STIP1: variants seen among roughly 807,000 people sequenced by gnomAD.
The protein encoded by STIP1 is stress-induced-phosphoprotein 1.
A neutral mutation model predicts 77.4 loss-of-function variants in STIP1; 16 were observed. The ratio of observed to expected loss-of-function variants is 0.21; its 90% CI spans 0.14 to 0.31. The LOEUF is 0.31. Among genes scored for constraint, STIP1 ranks in the 10% least tolerant of loss-of-function variants. STIP1 has a pLI of 1.00. For missense variants in STIP1, 524 were observed against 684.8 expected (o/e 0.77, Z 2.62); for synonymous variants, 258 against 246.6 (o/e 1.05, Z -0.44).
In STIP1 at chr11:64,186,237, A is replaced by G. The variant is rs1242322208; in HGVS notation, c.-25A>G. The G allele has an allele frequency of 9.2e-6, 14 of 1,527,986 alleles. No homozygotes were observed. Among genetic ancestry groups the G allele is most frequent in the African/African-American group, 2.8e-5 (2 of 71,788 alleles). The allele number at this position is 1,527,986 out of a possible 1,614,324, so 94.7% of individuals were successfully genotyped here. A position where few individuals can be genotyped will look rare whatever the true frequency, so the allele number is the denominator to read the frequency against. ...ACGCGGAGCGGACGGATTCGATTCA[A>G]CGGGGTTCCGGACCGCGCTGCGCTA... On this transcript the variant is annotated 5_prime_UTR_variant, in exon 1 of 14. Transcript: ENST00000305218.
rs1449459941 is a variant in STIP1 at position 64,186,248 on chromosome 11, G to T, written c.-14G>T. 1 of 1,510,848 alleles carries T rather than the reference G, an allele frequency of 6.6e-7. No homozygotes were observed. The highest frequency in any genetic ancestry group is 1.2e-5 in the South Asian group (1 of 83,716). 93.6% of individuals were successfully genotyped at this position (1,510,848 alleles called of 1,614,324 possible). A position where few individuals can be genotyped will look rare whatever the true frequency, so the allele number is the denominator to read the frequency against. ...ACGGATTCGATTCAACGGGGTTCCG[G>T]ACCGCGCTGCGCTATGGAGCAGGTG... On this transcript the variant is annotated 5_prime_UTR_variant, in exon 1 of 14. Coordinates refer to ENST00000305218, the MANE Select transcript of STIP1 (RefSeq NM_006819.3).
At chr11:64,186,103 C>G, upstream of STIP1, 3 of 1,550,398 alleles carry the variant, frequency 1.9e-6, no homozygotes, top group Non-Finnish European at 2.6e-6. Context: ...TAGAGCAGCA[C>G]AGACATTCCC....
Position 64,200,254 on chromosome 11 carries a change from C to T in STIP1, c.1206C>T (p.Ala402=), listed in dbSNP as rs1946202520. ...KDAKLYSNRA[A]CYTKLLEFQL... ...CCAAATTATACAGCAATCGAGCTGC[C>T]TGCTACACCAAACTCCTGGAGTTCC... The change falls in exon 10 of 14, where the codon GCC becomes GCT. Residue 402 remains alanine (A), a synonymous_variant. Coordinates refer to ENST00000305218, the MANE Select transcript of STIP1 (RefSeq NM_006819.3). 1.2e-6 allele frequency: 2 copies of T among 1,613,958 alleles called. No homozygotes were observed. Among genetic ancestry groups the T allele is most frequent in the South Asian group, 2.2e-5 (2 of 91,082 alleles).
At chr11:64,201,170 G>T (rs1163921871) in intron 10 of STIP1, among the ~76,000 whole-genome samples, 3 of 152,014 alleles carry the variant, frequency 2.0e-5, no homozygotes, top group South Asian at 4.1e-4. Context: ...CTCCTGAGTA[G>T]CTGGGACTAC....
intron 8 of STIP1, 87 bp downstream of exon 8, chr11:64,198,061 A>ATT: frequency 3.7e-6 from 5 of 1,333,566 alleles, no homozygotes; most frequent in Non-Finnish European, 4.0e-6. Context: ...AATGAACTTG[A>ATT]CTTTTTTTTT....
intron 13 of STIP1, 45 bp from the exon 14 acceptor site, chr11:64,204,009 C>G (rs201955898): frequency 1.2e-5 from 19 of 1,605,746 alleles, no homozygotes; most frequent in Non-Finnish European, 1.6e-5. Flanking sequence ...GCAAGTAAGA[C>G]TTTAAAGGTT....
rs764875809 is a variant in STIP1 at position 64,202,950 on chromosome 11, C to G, written c.1282+38C>G. 91 of 1,614,088 alleles carry G rather than the reference C, an allele frequency of 5.6e-5. No individual in the cohort carries two copies. The East Asian group carries it at 1.9e-3, about 34-fold the overall frequency. ...CTGCTGCCTGTCCCCTGTCTCTAGC[C>G]AAAAGATTAGAGAAGGAAAGGGCAA... On this transcript the variant is annotated intron_variant, in intron 11 of 13. Coordinates refer to ENST00000305218, the MANE Select transcript of STIP1 (RefSeq NM_006819.3).
intron 10 of STIP1, among the ~76,000 whole-genome samples, chr11:64,200,860 C>T (rs975977245): frequency 6.6e-6 from 1 of 151,756 alleles, no homozygotes; most frequent in African/African-American, 2.4e-5. Context: ...ACTGGAGTGC[C>T]GTGGCACAAT....
At position 64,204,321 on chromosome 11, in the gene STIP1, C is replaced by T; in HGVS notation, c.*195C>T. The T allele has an allele frequency of 1.7e-6, 1 of 587,378 alleles. No individual in the cohort carries two copies. Among genetic ancestry groups the T allele is most frequent in the East Asian group, 2.9e-5 (1 of 34,110 alleles). 36.4% of individuals were successfully genotyped at this position (587,378 alleles called of 1,614,324 possible). On this transcript the variant is annotated 3_prime_UTR_variant, in exon 14 of 14. Transcript: ENST00000305218. ...CCGCTGCCTCTGGGCCCTCCCAGCA[C>T]ACGCATGGTCTCTTCACCGCTGCCC...
Position 64,194,928 on chromosome 11 carries a change from G to A in STIP1, c.503+308G>A, listed in dbSNP as rs1466743117. Among the ~76,000 whole-genome samples the A allele has an allele frequency of 2.6e-5, 4 of 152,092 alleles. No homozygotes were observed. In the South Asian group the frequency reaches 8.3e-4, roughly 32 times the overall value. On this transcript the variant is annotated intron_variant, in intron 4 of 13. Coordinates refer to ENST00000305218, the MANE Select transcript of STIP1 (RefSeq NM_006819.3). ...CCCTACTTTCTCTGTTGGTATATCA[G>A]AGTGGAAACAGGGTTGAAGTTCATG...
At chr11:64,185,652 C>A, upstream of STIP1, 2 of 890,308 alleles carry the variant, frequency 2.2e-6, no homozygotes, top group Non-Finnish European at 3.3e-6. Flanking sequence ...ACCCAGAGGC[C>A]CCGCAGCCGC....
At chr11:64,185,822 G>A, upstream of STIP1, 1 of 1,536,048 alleles carries the variant, frequency 6.5e-7, no homozygotes, top group African/African-American at 1.4e-5. Context: ...AGGCGGTTCC[G>A]ACATGGAGTC....
intron 10 of STIP1, 144 bp downstream of exon 10, chr11:64,200,437 GGA>G: frequency 3.0e-6 from 4 of 1,351,964 alleles, no homozygotes; most frequent in Non-Finnish European, 4.0e-6. Context: ...AGCCTCCTGA[GGA>G]GCTAGGACCA....
intron 2 of STIP1, 114 bp from the exon 3 acceptor site, chr11:64,194,075 T>C: frequency 7.0e-7 from 1 of 1,424,668 alleles, no homozygotes; most frequent in Non-Finnish European, 9.5e-7. Flanking sequence ...CTCTTTGGCC[T>C]TCATGTGAAT....
chr11:64,185,676 A>G (rs1187804931), upstream of STIP1: 9 of 1,115,374 alleles, frequency 8.1e-6, no homozygotes, highest in African/African-American at 6.3e-5. Context: ...CGACACAGCT[A>G]CAGACCCCGA....
At chr11:64,193,444 AG>A in intron 2 of STIP1, 157 bp downstream of exon 2, 1 of 682,734 alleles carries the variant, frequency 1.5e-6, no homozygotes, top group Non-Finnish European at 2.5e-6. Flanking sequence ...ATCAAATCTA[AG>A]GTAGCCATTA....
chr11:64,194,079 T>G, intron 2 of STIP1, 110 bp from the exon 3 acceptor site: 1 of 1,448,626 alleles, frequency 6.9e-7, no homozygotes, highest in Non-Finnish European at 9.3e-7. Context: ...TTGGCCTTCA[T>G]GTGAATACTC....
At chr11:64,201,400 C>T (rs901653581) in intron 10 of STIP1, among the ~76,000 whole-genome samples, 1 of 152,138 alleles carries the variant, frequency 6.6e-6, no homozygotes, top group Non-Finnish European at 1.5e-5. Context: ...TCCTTGCTTG[C>T]TTTTCTGTTT....
chr11:64,193,769 C>A (rs1369144790), intron 2 of STIP1, among the ~76,000 whole-genome samples: 1 of 151,818 alleles, frequency 6.6e-6, no homozygotes, highest in Non-Finnish European at 1.5e-5. Context: ...CCAGGTGACA[C>A]GGCAAGACCC....
Sources: allele counts gnomAD v4.1 joint callset (sites outside exome capture counted in the v4.1 genomes callset), GRCh38; gene constraint gnomAD v4.1.1; transcripts MANE v1.5; gene names NCBI Gene and HGNC (gene_info 2026-07-23, HGNC 2026-07-21).